GRK7: variants seen among roughly 807,000 people sequenced by gnomAD.
GRK7 encodes the protein G protein-coupled receptor kinase 7, also known as rhodopsin kinase GRK7.
In GRK7, 24 loss-of-function variants were observed where a neutral mutation model predicts 34.1. That is an observed-to-expected ratio of 0.70 (90% CI 0.51 to 0.99). GRK7 has a LOEUF of 0.99. GRK7 is among the 50% of genes least tolerant of loss of function. The probability of loss-of-function intolerance (pLI) is 0.00; values close to 1 mark genes in which losing one functional copy is unlikely to be tolerated. For missense variants in GRK7, 644 were observed against 707.3 expected (o/e 0.91, Z 1.02); for synonymous variants, 256 against 279.4 (o/e 0.92, Z 0.84).
At chr3:141,795,239 T>A (rs187651279) in intron 4 of GRK7, among the ~76,000 whole-genome samples, 2 of 152,310 alleles carry the variant, frequency 1.3e-5, no homozygotes, top group Admixed American at 6.5e-5. Flanking sequence ...TGTGCCAAAC[T>A]TCCTGGGGAT....
At chr3:141,808,920 C>T (rs1361299287) in intron 5 of GRK7, among the ~76,000 whole-genome samples, 1 of 152,042 alleles carries the variant, frequency 6.6e-6, no homozygotes, top group Non-Finnish European at 1.5e-5. Context: ...CAGTGGCTCA[C>T]ACTGTGAGCC....
the GRK7 span, among the ~76,000 whole-genome samples, chr3:141,757,130 T>C: frequency 8.3e-5 from 2 of 24,236 alleles, no homozygotes; most frequent in African/African-American, 1.7e-4. Context: ...GATCTTCTTC[T>C]TTTTTTTTTT....
At chr3:141,816,118 G>C (rs1711149911) in intron 5 of GRK7, among the ~76,000 whole-genome samples, 2 of 152,186 alleles carry the variant, frequency 1.3e-5, no homozygotes, top group Admixed American at 1.3e-4. Flanking sequence ...TTCTAGCATA[G>C]AGATGGAGGG....
intron 1 of GRK7, among the ~76,000 whole-genome samples, chr3:141,771,315 G>A (rs1438537798): frequency 6.6e-6 from 1 of 152,118 alleles, no homozygotes; most frequent in Non-Finnish European, 1.5e-5. Context: ...TGGAACTGGA[G>A]GCCATTATTA....
intron 4 of GRK7, among the ~76,000 whole-genome samples, chr3:141,796,362 A>C (rs942696433): frequency 6.6e-6 from 1 of 152,198 alleles, no homozygotes; most frequent in Non-Finnish European, 1.5e-5. Flanking sequence ...AAGATTAAGA[A>C]ACAAAGTAGA....
At chr3:141,751,883 C>A in the GRK7 span, among the ~76,000 whole-genome samples, 1 of 152,172 alleles carries the variant, frequency 6.6e-6, no homozygotes, top group Non-Finnish European at 1.5e-5. Flanking sequence ...TTGGACAGCA[C>A]AATGTCGATG....
rs535475955 is a variant in GRK7, at chr3:141,805,184, G to T, written c.1051-2461G>T. Among the ~76,000 whole-genome samples the T allele has an allele frequency of 2.0e-5, 3 of 152,088 alleles. No individual in the cohort carries two copies. In the East Asian group the frequency reaches 5.8e-4, roughly 29 times the overall value. On this transcript the variant is annotated intron_variant, in intron 4 of 5. Transcript: ENST00000682958. ...CCCTGCGCGTGCTCCACACTCTATT[G>T]AATCAACCTTCTGACCTGTCTGTCT...
intron 4 of GRK7, among the ~76,000 whole-genome samples, chr3:141,802,520 C>T (rs1710981362): frequency 6.6e-6 from 1 of 152,138 alleles, no homozygotes; most frequent in South Asian, 2.1e-4. Context: ...AAAGTATGTC[C>T]TTGAGAAATT....
At chr3:141,816,576 T>C (rs1711155461) in intron 5 of GRK7, 138 bp from the exon 6 acceptor site, 1 of 491,738 alleles carries the variant, frequency 2.0e-6, no homozygotes, top group Admixed American at 3.8e-5. Context: ...ATTTTTCAGT[T>C]ATTCTTTATG....
At chr3:141,808,496 C>T (rs987297350) in intron 5 of GRK7, among the ~76,000 whole-genome samples, 28 of 152,118 alleles carry the variant, frequency 1.8e-4, no homozygotes, top group African/African-American at 6.5e-4. Context: ...AGGTGGATCA[C>T]GAGGTCAGGA....
Position 141,778,838 on chromosome 3 carries a change from C to T in GRK7, c.554C>T (p.Pro185Leu). 6.2e-7 allele frequency: 1 copy of T among 1,612,452 alleles called. No homozygotes were observed. The highest frequency in any genetic ancestry group is 8.5e-7 in the Non-Finnish European group (1 of 1,179,262). Residue 185 changes from proline to leucine, a missense_variant, in exon 3 of 6, where the codon CCA becomes CTA. By Grantham distance (98) the Pro-to-Leu change is moderately conservative. Coordinates refer to ENST00000682958, the MANE Select transcript of GRK7 (RefSeq NM_139209.3). The surrounding 1 kb of genome is among the most constrained non-coding windows in gnomAD (Gnocchi z 4.1). ...FLQWKLFEMQ[P>L]VSDKYFTEFR... ...CAGTGGAAACTCTTCGAGATGCAAC[C>T]AGTGTCAGACAAGTACTTCACTGAG...
rs1360984683 is a variant in GRK7, at chr3:141,817,204, C to T, written c.*154C>T. 3 of 543,388 alleles carry T rather than the reference C, an allele frequency of 5.5e-6. No homozygotes were observed. In the East Asian group the frequency reaches 8.9e-5, roughly 16 times the overall value. The allele number at this position is 543,388 out of a possible 1,614,324, so 33.7% of individuals were successfully genotyped here. A position where few individuals can be genotyped will look rare whatever the true frequency, so the allele number is the denominator to read the frequency against. On this transcript the variant is annotated 3_prime_UTR_variant, in exon 6 of 6. Coordinates refer to ENST00000682958, the MANE Select transcript of GRK7 (RefSeq NM_139209.3). ...AAGACAGGCAAGCTCACTACTAGAA[C>T]ACATTTTATTTTCTTTTTCTTTCTT... is the stretch of plus-strand genomic sequence containing the variant.
the GRK7 span, among the ~76,000 whole-genome samples, chr3:141,756,547 C>A: frequency 6.6e-6 from 1 of 152,098 alleles, no homozygotes; most frequent in African/African-American, 2.4e-5. Context: ...AAACTTTCAG[C>A]AGTGAGGGAA....
At chr3:141,806,874 T>G (rs912052165) in intron 4 of GRK7, among the ~76,000 whole-genome samples, 2 of 151,922 alleles carry the variant, frequency 1.3e-5, no homozygotes, top group African/African-American at 4.8e-5. Flanking sequence ...GATAGTAAAT[T>G]TTATGGGTAA....
the GRK7 span, among the ~76,000 whole-genome samples, chr3:141,756,649 T>C: frequency 1.3e-5 from 2 of 152,332 alleles, no homozygotes; most frequent in Non-Finnish European, 2.9e-5. Flanking sequence ...TACATTTTAC[T>C]CTATGTAAAA....
chr3:141,807,568 G>T, intron 4 of GRK7, 77 bp from the exon 5 acceptor site: 1 of 1,247,928 alleles, frequency 8.0e-7, no homozygotes, highest in South Asian at 1.4e-5. Flanking sequence ...TATTAGGTAG[G>T]CAGTCAGCAG....
chr3:141,756,009 A>T, the GRK7 span, among the ~76,000 whole-genome samples: 3 of 58,918 alleles, frequency 5.1e-5, no homozygotes, highest in Non-Finnish European at 8.5e-5. Flanking sequence ...TCAGCAGTTT[A>T]AAAAAAAAAA....
intron 4 of GRK7, among the ~76,000 whole-genome samples, chr3:141,793,220 C>A (rs1335708220): frequency 1.3e-5 from 2 of 152,180 alleles, no homozygotes; most frequent in Non-Finnish European, 2.9e-5. Flanking sequence ...GTGGGGACCT[C>A]AATTTACAGC....
intron 4 of GRK7, among the ~76,000 whole-genome samples, chr3:141,785,750 A>G (rs1577916862): frequency 6.7e-6 from 1 of 149,232 alleles, no homozygotes; most frequent in East Asian, 2.0e-4. Context: ...GATGAAAGAG[A>G]AAGAGTCTGT....
Sources: gnomAD v4.1 joint callset for allele counts (sites outside exome capture counted in the v4.1 genomes callset) on GRCh38, gnomAD v4.1.1 for gene constraint, Gnocchi (gnomAD v3.1) non-coding constraint, MANE v1.5 for transcripts, NCBI Gene and HGNC (gene_info 2026-07-23, HGNC 2026-07-21) for gene names.